TRDN: variants seen among roughly 807,000 people sequenced by gnomAD.
TRDN encodes triadin in skeletal muscle.
In TRDN, 161 loss-of-function variants were observed where a neutral mutation model predicts 149.7. That is an observed-to-expected ratio of 1.08 (90% CI 0.95 to 1.23). The LOEUF is 1.23. Ranked by LOEUF, TRDN falls within the 50% of genes most tolerant of loss-of-function variation. The pLI, the probability that TRDN is intolerant of heterozygous loss-of-function variation, is 0.00. For missense variants in TRDN, 896 were observed against 823.5 expected (o/e 1.09, Z -1.08); for synonymous variants, 294 against 250.5 (o/e 1.17, Z -1.64).
rs923136812 is a variant in TRDN, at chr6:123,434,410, T to A, written c.1051+3653A>T. Among the ~76,000 whole-genome samples the A allele has an allele frequency of 5.9e-5, 9 of 152,192 alleles. 1 individual carries two copies. The highest frequency in any genetic ancestry group is 1.3e-4 in the Non-Finnish European group (9 of 68,030). ...ATTTGGCAAATGAAGATGTTAGTAATCTGCTGAGGCTTGCCTCAACATTTC... is the reference window on the plus strand; with the variant it reads ...ATTTGGCAAATGAAGATGTTAGTAAACTGCTGAGGCTTGCCTCAACATTTC... On this transcript the variant is annotated intron_variant, in intron 12 of 40. Transcript: ENST00000334268.
At chr6:123,596,300 G>T (rs1383058997) in intron 1 of TRDN, among the ~76,000 whole-genome samples, 1 of 152,060 alleles carries the variant, frequency 6.6e-6, no homozygotes, top group East Asian at 1.9e-4. Flanking sequence ...TAAGGAAGCT[G>T]CAGAAGAAAA....
At chr6:123,414,272 A>G (rs1330991377) in intron 12 of TRDN, among the ~76,000 whole-genome samples, 3 of 152,140 alleles carry the variant, frequency 2.0e-5, no homozygotes, top group Non-Finnish European at 4.4e-5. Flanking sequence ...TTTTAAAAAA[A>G]TTCTAGAAAC....
chr6:123,350,536 C>A, intron 21 of TRDN: 1 of 677,852 alleles, frequency 1.5e-6, no homozygotes, highest in South Asian at 6.7e-5. Context: ...GCAAAGTATA[C>A]AAGTCTTAAA....
chr6:123,245,801 C>T (rs950557423), intron 38 of TRDN, among the ~76,000 whole-genome samples: 1 of 152,148 alleles, frequency 6.6e-6, no homozygotes, highest in Non-Finnish European at 1.5e-5. Flanking sequence ...CTTTTCAGCA[C>T]CACATAGCAC....
At chr6:123,626,261 C>G (rs999633489) in intron 1 of TRDN, among the ~76,000 whole-genome samples, 1 of 152,036 alleles carries the variant, frequency 6.6e-6, no homozygotes, top group Non-Finnish European at 1.5e-5. Context: ...GTGGGTGGAT[C>G]CCTTGAGACC....
chr6:123,535,061 TAGAA>T (rs774965297), intron 4 of TRDN, among the ~76,000 whole-genome samples: 1 of 152,174 alleles, frequency 6.6e-6, no homozygotes, highest in Non-Finnish European at 1.5e-5. Context: ...TTTTGTGTCT[TAGAA>T]AGCACAGAGG....
intron 10 of TRDN, among the ~76,000 whole-genome samples, chr6:123,441,832 C>A (rs919538231): frequency 2.6e-5 from 4 of 152,194 alleles, no homozygotes; most frequent in Non-Finnish European, 5.9e-5. Flanking sequence ...CCCCTCTTTG[C>A]CCTTCTAGTG....
intron 2 of TRDN, among the ~76,000 whole-genome samples, chr6:123,569,937 CCAAACAA>C (rs2114533615): frequency 1.3e-5 from 2 of 152,270 alleles, no homozygotes; most frequent in South Asian, 4.1e-4. Context: ...GCCAATAAAC[CCAAACAA>C]CAGAGTTCTA....
chr6:123,355,454 A>G (rs1780629717), intron 20 of TRDN, among the ~76,000 whole-genome samples: 1 of 151,728 alleles, frequency 6.6e-6, no homozygotes, highest in South Asian at 2.1e-4. Context: ...TATTTGTGTA[A>G]GGTGTGAGAT....
At chr6:123,460,292 G>A (rs192165521) in intron 10 of TRDN, among the ~76,000 whole-genome samples, 8 of 152,198 alleles carry the variant, frequency 5.3e-5, no homozygotes, top group Admixed American at 2.6e-4. Flanking sequence ...AGCTTCTGTG[G>A]ATACCAATAA....
intron 1 of TRDN, among the ~76,000 whole-genome samples, chr6:123,612,252 A>ATT (rs375588635): frequency 2.1e-5 from 2 of 93,576 alleles, no homozygotes; most frequent in Non-Finnish European, 3.8e-5. Flanking sequence ...GAAAAAAAAA[A>ATT]GTTATCTGGG....
At chr6:123,627,688 G>C (rs1187270986) in intron 1 of TRDN, among the ~76,000 whole-genome samples, 1 of 152,174 alleles carries the variant, frequency 6.6e-6, no homozygotes, top group African/African-American at 2.4e-5. Context: ...GTCCTGGATG[G>C]CATCTTCTTC....
intron 24 of TRDN, among the ~76,000 whole-genome samples, chr6:123,308,894 A>G (rs2114684785): frequency 6.6e-6 from 1 of 152,066 alleles, no homozygotes; most frequent in East Asian, 1.9e-4. Flanking sequence ...ATAGGTTTCA[A>G]AGCTGAGTGA....
intron 20 of TRDN, among the ~76,000 whole-genome samples, chr6:123,352,814 T>C (rs972947071): frequency 2.0e-5 from 3 of 151,950 alleles, no homozygotes; most frequent in Admixed American, 2.0e-4. Flanking sequence ...TACAATTGTA[T>C]CTGTTTTATT....
At chr6:123,355,259 A>G (rs1479243106) in intron 20 of TRDN, among the ~76,000 whole-genome samples, 1 of 151,652 alleles carries the variant, frequency 6.6e-6, no homozygotes, top group Non-Finnish European at 1.5e-5. Context: ...TTACGTTAAC[A>G]GGAGTTTCAA....
intron 10 of TRDN, among the ~76,000 whole-genome samples, chr6:123,450,782 C>T (rs1775720872): frequency 6.6e-6 from 1 of 152,100 alleles, no homozygotes. Flanking sequence ...TTTCATCCAA[C>T]AACCACAGAA....
At chr6:123,417,898 C>T (rs1021715854) in intron 12 of TRDN, among the ~76,000 whole-genome samples, 15 of 152,254 alleles carry the variant, frequency 9.9e-5, no homozygotes, top group African/African-American at 3.6e-4. Flanking sequence ...AATAACCCCT[C>T]CTAGCTGCTT....
chr6:123,345,988 T>C (rs1035842692), intron 21 of TRDN, among the ~76,000 whole-genome samples: 1 of 152,098 alleles, frequency 6.6e-6, no homozygotes, highest in African/African-American at 2.4e-5. Context: ...AATACAGTTT[T>C]ATTTTTTTCC....
At chr6:123,328,563 A>T (rs1176789206) in intron 23 of TRDN, among the ~76,000 whole-genome samples, 1 of 152,126 alleles carries the variant, frequency 6.6e-6, no homozygotes, top group Non-Finnish European at 1.5e-5. Flanking sequence ...CTCTAGTCCC[A>T]AGTACACTTT....
Sources: gnomAD v4.1 joint callset for allele counts (sites outside exome capture counted in the v4.1 genomes callset) on GRCh38, gnomAD v4.1.1 for gene constraint, MANE v1.5 for transcripts, NCBI Gene and HGNC (gene_info 2026-07-23, HGNC 2026-07-21) for gene names.